The following ENPP1 variants were observed in gnomAD, a reference collection of about 807,000 sequenced individuals.
ENPP1 encodes the protein ectonucleotide pyrophosphatase/phosphodiesterase family member 1.
In ENPP1, 73 loss-of-function variants were observed where a neutral mutation model predicts 122.8. The observed-to-expected ratio is 0.59, with a 90% CI of 0.49 to 0.72. The LOEUF is 0.72. Ranked by LOEUF, ENPP1 falls within the 30% of genes least tolerant of loss-of-function variation. ENPP1 has a pLI of 0.00. For synonymous variants in ENPP1, 367 were observed against 391.6 expected, an observed-to-expected ratio of 0.94 and a Z score of 0.74; for missense variants, 978 against 1,128.1, an observed-to-expected ratio of 0.87 and a Z score of 1.91.
chr6:131,811,784 C>T (rs1781357618), intron 1 of ENPP1, among the ~76,000 whole-genome samples: 1 of 152,130 alleles, frequency 6.6e-6, no homozygotes, highest in African/African-American at 2.4e-5. Context: ...TTGCATAGTT[C>T]GCATATCTCA....
intron 1 of ENPP1, chr6:131,827,972 G>T: frequency 1.3e-6 from 1 of 774,706 alleles, no homozygotes; most frequent in Non-Finnish European, 2.3e-6. Context: ...AAATGCTCAA[G>T]CTTGGAGCTG....
intron 1 of ENPP1, among the ~76,000 whole-genome samples, chr6:131,835,718 C>T (rs999576201): frequency 1.3e-5 from 2 of 152,068 alleles, no homozygotes; most frequent in African/African-American, 4.8e-5. Flanking sequence ...TGATGCTTTC[C>T]CTCCCTGCAC....
At chr6:131,845,351 T>A (rs1781794878) in intron 1 of ENPP1, among the ~76,000 whole-genome samples, 1 of 151,884 alleles carries the variant, frequency 6.6e-6, no homozygotes, top group Non-Finnish European at 1.5e-5. Context: ...GTTTTTAATG[T>A]TTTAAATTAT....
At chr6:131,836,415 A>AGTGTGTGTGTGTGT (rs71809355) in intron 1 of ENPP1, among the ~76,000 whole-genome samples, 3 of 150,530 alleles carry the variant, frequency 2.0e-5, no homozygotes, top group African/African-American at 7.3e-5. Flanking sequence ...CACCCAGCCG[A>AGTGTGTGTGTGTGT]GTGTGTGTGT....
chr6:131,830,882 G>A (rs541741110), intron 1 of ENPP1, among the ~76,000 whole-genome samples: 2 of 151,954 alleles, frequency 1.3e-5, no homozygotes, highest in Admixed American at 1.3e-4. Context: ...AGGCCGAGGT[G>A]GGTGGATTGC....
At chr6:131,811,368 CTATATCTA>C (rs1198710201) in intron 1 of ENPP1, among the ~76,000 whole-genome samples, 39 of 142,660 alleles carry the variant, frequency 2.7e-4, no homozygotes, top group African/African-American at 9.2e-4. Context: ...ATATCTATAT[CTATATCTA>C]TATATCTATA....
In ENPP1 at chr6:131,850,033, C is replaced by A; in HGVS notation, c.357C>A (p.Asn119Lys). 1.9e-6 allele frequency: 3 copies of A among 1,614,046 alleles called. No homozygotes were observed. In the East Asian group the frequency reaches 6.7e-5, roughly 36 times the overall value. The change falls in exon 3 of 25, where the codon AAC becomes AAA. Residue 119 changes from asparagine (N) to lysine (K), a missense_variant. Around this residue, in one of 3 missense-constraint regions of ENPP1, gnomAD observed 330 missense variants for 328.5 expected, o/e 1.00. Coordinates refer to ENST00000647893, the MANE Select transcript of ENPP1 (RefSeq NM_006208.3). Reference sequence around the variant, plus strand: ...GCTGTTTCGAGAGAACATTTGGGAACTGTCGCTGTGATGCTGCCTGTGTTG... The same window carrying A: ...GCTGTTTCGAGAGAACATTTGGGAAATGTCGCTGTGATGCTGCCTGTGTTG... ...KGRCFERTFG[N>K]CRCDAACVEL...
At position 131,855,106 on chromosome 6, in the gene ENPP1, T is replaced by C. The variant is rs945720765; in HGVS notation, c.715+83T>C. On this transcript the variant is annotated intron_variant, in intron 6 of 24. Transcript: ENST00000647893. ...CAGGCAGTCTTTCTTGGAAAAGTAC[T>C]GGCAGAACCTAACTGTTTCACTAAA... 17 of 995,048 alleles carry C rather than the reference T, an allele frequency of 1.7e-5. No individual in the cohort carries two copies. In the African/African-American group the frequency reaches 2.4e-4, roughly 14 times the overall value. 61.6% of individuals were successfully genotyped at this position (995,048 alleles called of 1,614,324 possible).
At chr6:131,828,346 G>T in intron 1 of ENPP1, 2 of 426,794 alleles carry the variant, frequency 4.7e-6, no homozygotes, top group South Asian at 2.2e-5. Context: ...ATCCTACCAT[G>T]ATTTTAAGAT....
At chr6:131,818,103 C>G (rs1432360609) in intron 1 of ENPP1, among the ~76,000 whole-genome samples, 1 of 152,068 alleles carries the variant, frequency 6.6e-6, no homozygotes, top group African/African-American at 2.4e-5. Flanking sequence ...TAGCAAGCAT[C>G]TGGGGGATCT....
At chr6:131,877,408 A>G in intron 18 of ENPP1, 1 of 522,378 alleles carries the variant, frequency 1.9e-6, no homozygotes, top group Non-Finnish European at 3.5e-6. Context: ...AGGTGTGGTG[A>G]AGTCTAGTTA....
In ENPP1 at chr6:131,808,050, C is replaced by T. The variant is rs1781300100; in HGVS notation, c.15C>T (p.Gly5=). 1.3e-6 allele frequency: 1 copy of T among 791,368 alleles called. No homozygotes were observed. The highest frequency in any genetic ancestry group is 1.5e-6 in the Non-Finnish European group (1 of 677,774). The allele number at this position is 791,368 out of a possible 1,614,324, so 49.0% of individuals were successfully genotyped here. A position where few individuals can be genotyped will look rare whatever the true frequency, so the allele number is the denominator to read the frequency against. The change falls in exon 1 of 25, where the codon GGC becomes GGT. Residue 5 remains glycine (G), a synonymous_variant. Transcript: ENST00000647893. MERD[G]CAGGGSRGGE... ...CCGGGGCCACGATGGAGCGCGACGG[C>T]TGCGCGGGGGGCGGGAGCCGCGGCG...
Position 131,884,939 on chromosome 6 carries a change from C to A in ENPP1, c.2320C>A (p.Arg774Ser). ...CTTCTATCTTGTTTCAGTTATATGG[C>A]GCTACTTTCATGACACCCTACTGCG... The part of the protein sequence containing the change: ...PMYQSFQVIW[R>S]YFHDTLLRKY... Residue 774 changes from arginine to serine, a missense_variant, in exon 23 of 25, where the codon CGC (arginine) becomes AGC (serine). Transcript: ENST00000647893. The A allele has an allele frequency of 1.9e-6, 3 of 1,613,956 alleles. No homozygotes were observed. The highest frequency in any genetic ancestry group is 2.5e-6 in the Non-Finnish European group (3 of 1,179,894).
At chr6:131,820,243 T>C (rs1405262357) in intron 1 of ENPP1, 1 of 176,352 alleles carries the variant, frequency 5.7e-6, no homozygotes, top group Admixed American at 6.3e-5. Flanking sequence ...AATGGGATCC[T>C]GATAAGAAAA....
At chr6:131,823,281 C>T (rs573981612) in intron 1 of ENPP1, among the ~76,000 whole-genome samples, 5 of 152,280 alleles carry the variant, frequency 3.3e-5, no homozygotes, top group African/African-American at 1.2e-4. Flanking sequence ...GGGAGCAAAT[C>T]TGTTGGCTTG....
At chr6:131,883,848 G>T in intron 22 of ENPP1, 74 bp downstream of exon 22, 1 of 780,888 alleles carries the variant, frequency 1.3e-6, no homozygotes, top group Non-Finnish European at 2.3e-6. Context: ...ATATGTAATA[G>T]GACTTATGGT....
chr6:131,811,809 AT>A (rs1193389033), intron 1 of ENPP1, among the ~76,000 whole-genome samples: 1 of 152,114 alleles, frequency 6.6e-6, no homozygotes, highest in African/African-American at 2.4e-5. Context: ...GCTCTGAGCA[AT>A]TTTTCTTTCT....
At chr6:131,851,088 T>C in intron 3 of ENPP1, 54 bp from the exon 4 acceptor site, 1 of 1,601,180 alleles carries the variant, frequency 6.2e-7, no homozygotes, top group East Asian at 2.2e-5. Context: ...TGTGTTCACT[T>C]TGGACATGTT....
At chr6:131,851,305 T>C (rs756270187) in intron 4 of ENPP1, 38 bp downstream of exon 4, 2 of 1,613,776 alleles carry the variant, frequency 1.2e-6, no homozygotes, top group South Asian at 2.2e-5. Flanking sequence ...GCCTGGTATC[T>C]TCCAGCGTCT....
Sources: allele counts gnomAD v4.1 joint callset (sites outside exome capture counted in the v4.1 genomes callset), GRCh38; gene constraint gnomAD v4.1.1; regional missense constraint gnomAD v4.1.1; transcripts MANE v1.5; gene names NCBI Gene and HGNC (gene_info 2026-07-23, HGNC 2026-07-21).